KAZALD1: variants seen among roughly 807,000 people sequenced by gnomAD.
The protein encoded by KAZALD1 is kazal-type serine protease inhibitor domain-containing protein 1.
A neutral mutation model predicts 27.7 loss-of-function variants in KAZALD1; 31 were observed. The ratio of observed to expected loss-of-function variants is 1.12; its 90% CI spans 0.84 to 1.51. KAZALD1 has a LOEUF of 1.51. KAZALD1 is among the 40% of genes most tolerant of loss of function. The pLI, the probability that KAZALD1 is intolerant of heterozygous loss-of-function variation, is 0.00. For synonymous variants in KAZALD1, 179 were observed against 182.0 expected (o/e 0.98, Z 0.13); for missense variants, 444 against 408.9 (o/e 1.09, Z -0.74).
chr10:101,062,553 G>A lies in KAZALD1; in HGVS notation c.-40G>A. 1.3e-6 allele frequency: 2 copies of A among 1,562,730 alleles called. No individual in the cohort carries two copies. Among genetic ancestry groups the A allele is most frequent in the South Asian group, 1.2e-5 (1 of 86,632 alleles). On this transcript the variant is annotated 5_prime_UTR_variant, in exon 2 of 5. Coordinates refer to ENST00000370200, the MANE Select transcript of KAZALD1 (RefSeq NM_030929.5). ...TCCCTTCCTGGCAGGGTGCCCGAAC[G>A]CGCTGATGCCCCGAGTGCTCGCAGG...
In KAZALD1 at chr10:101,064,669, TG is replaced by T. The variant is rs952430816; in HGVS notation, c.820+26del. 1.9e-6 allele frequency: 3 copies of T among 1,612,818 alleles called. No homozygotes were observed. In the African/African-American group the frequency reaches 4.0e-5, roughly 22 times the overall value. On this transcript the variant is annotated intron_variant, in intron 4 of 4. Coordinates refer to ENST00000370200, the MANE Select transcript of KAZALD1 (RefSeq NM_030929.5). ...ACCTGGTAAGGGGATTCCTGAGTTC[TG>T]GGGGTTGGGGGGATGGTGCTGGATT...
chr10:101,064,752 C>A lies in KAZALD1; in HGVS notation c.821-74C>A, dbSNP rs1388064678. ...TGTCTGTATACACAAGCATAGCCTT[C>A]CGCAGACTGGGCTATGTGGGCACCG... On this transcript the variant is annotated intron_variant, in intron 4 of 4. Coordinates refer to ENST00000370200, the MANE Select transcript of KAZALD1 (RefSeq NM_030929.5). 12 of 1,597,678 alleles carry A rather than the reference C, an allele frequency of 7.5e-6. 1 individual carries two copies. In the Admixed American group the frequency reaches 1.0e-4, roughly 13 times the overall value.
At position 101,064,644 on chromosome 10, in the gene KAZALD1, A is replaced by G. The variant is rs768041746; in HGVS notation, c.816A>G (p.Thr272=). 5 of 1,613,526 alleles carry G rather than the reference A, an allele frequency of 3.1e-6. No individual in the cohort carries two copies. Among genetic ancestry groups the G allele is most frequent in the Middle Eastern group, 1.8e-4 (1 of 5,582 alleles). The change falls in exon 4 of 5, where the codon ACA becomes ACG. Residue 272 remains threonine, a synonymous_variant. Transcript: ENST00000370200. ...CCCCTGCTAGCTTGACAGTGCTCAC[A>G]CCTGGTAAGGGGATTCCTGAGTTCT... ...VEAPASLTVL[T]PDQLNSTGIP...
Position 101,064,269 on chromosome 10 carries a change from A to T in KAZALD1, c.520A>T (p.Ile174Phe), listed in dbSNP as rs1041002546. ...CCCGCCTTCACCCCCAGGGCCCCAGATCGTGTCACATCCATATGACACTTG... is the reference window on the plus strand; with the variant it reads ...CCCGCCTTCACCCCCAGGGCCCCAGTTCGTGTCACATCCATATGACACTTG... ...HPGPCESGPQIVSHPYDTWNV... is the reference protein window; with the variant it reads ...HPGPCESGPQFVSHPYDTWNV... Residue 174 changes from isoleucine to phenylalanine, a missense_variant, in exon 3 of 5, where the codon ATC (isoleucine) becomes TTC (phenylalanine). Coordinates refer to ENST00000370200, the MANE Select transcript of KAZALD1 (RefSeq NM_030929.5). The T allele has an allele frequency of 6.2e-7, 1 of 1,614,138 alleles. No individual in the cohort carries two copies. The highest frequency in any genetic ancestry group is 8.5e-7 in the Non-Finnish European group (1 of 1,180,008).
At chr10:101,063,828 C>G (rs949664733) in intron 2 of KAZALD1, among the ~76,000 whole-genome samples, 2 of 152,200 alleles carry the variant, frequency 1.3e-5, no homozygotes, top group East Asian at 1.9e-4. Context: ...GAGGAGGGAA[C>G]GGCTGCTTTT....
chr10:101,067,693 T>G, downstream of KAZALD1: 1 of 351,002 alleles, frequency 2.8e-6, no homozygotes. Context: ...GCCGTGCTGG[T>G]ATAACTGAGG....
At position 101,062,526 on chromosome 10, in the gene KAZALD1, C is replaced by A; in HGVS notation, c.-51-16C>A. On this transcript the variant is annotated splice_polypyrimidine_tract_variant and intron_variant, in intron 1 of 4. Coordinates refer to ENST00000370200, the MANE Select transcript of KAZALD1 (RefSeq NM_030929.5). ...CCCTGTTTCTGACCTCCTGACCTGG[C>A]TTCCCTTCCTGGCAGGGTGCCCGAA... 1 of 1,533,826 alleles carries A rather than the reference C, an allele frequency of 6.5e-7. No individual in the cohort carries two copies.
At position 101,064,814 on chromosome 10, in the gene KAZALD1, G is replaced by A. The variant is rs142352042; in HGVS notation, c.821-12G>A. On this transcript the variant is annotated splice_polypyrimidine_tract_variant and intron_variant, in intron 4 of 4. Transcript: ENST00000370200. ...CTCCTGTTCTCTCTTCTTTGCCCATGTGTGTTTGCAGACCAGCTGAACTCT... is the reference window on the plus strand; with the variant it reads ...CTCCTGTTCTCTCTTCTTTGCCCATATGTGTTTGCAGACCAGCTGAACTCT... The A allele has an allele frequency of 1.1e-4, 180 of 1,613,648 alleles. No homozygotes were observed. In the African/African-American group the frequency reaches 2.0e-3, roughly 18 times the overall value.
rs993966997 is a variant in KAZALD1, at chr10:101,065,135, C to T, written c.*215C>T. On this transcript the variant is annotated 3_prime_UTR_variant, in exon 5 of 5. Transcript: ENST00000370200. ...TAGGGAGAGAAGCTGAGACCAGGAC[C>T]GGTGGGGTACAAAGGGGCCCATGCA... 5.4e-6 allele frequency: 3 copies of T among 554,428 alleles called. No homozygotes were observed. The highest frequency in any genetic ancestry group is 2.0e-5 in the South Asian group (1 of 48,782). 34.3% of individuals were successfully genotyped at this position (554,428 alleles called of 1,614,324 possible).
At position 101,062,899 on chromosome 10, in the gene KAZALD1, G is replaced by A. The variant is rs1172554594; in HGVS notation, c.307G>A (p.Gly103Ser). The change falls in exon 2 of 5, where the codon GGC becomes AGC. Residue 103 changes from glycine to serine, a missense_variant. Transcript: ENST00000370200. ...CAGTGCTCACTTCTACGGGCACTGC[G>A]GCGAGCAGCTTGAGTGCCGGCTGGA... is the stretch of plus-strand genomic sequence containing the variant. ...DPSAHFYGHC[G>S]EQLECRLDTG... The A allele has an allele frequency of 3.1e-6, 5 of 1,603,340 alleles. No individual in the cohort carries two copies. Among genetic ancestry groups the A allele is most frequent in the Admixed American group, 1.7e-5 (1 of 59,982 alleles).
rs578079837 is a variant in KAZALD1 at position 101,064,267 on chromosome 10, A to G, written c.518A>G (p.Gln173Arg). The stretch of plus-strand genomic sequence containing the variant: ...CTCCCGCCTTCACCCCCAGGGCCCC[A>G]GATCGTGTCACATCCATATGACACT... ...AHPGPCESGP[Q>R]IVSHPYDTWN... is the part of the protein sequence containing the mutation. Residue 173 changes from glutamine (Q) to arginine (R), a missense_variant, in exon 3 of 5, where the codon CAG (glutamine) becomes CGG (arginine). Coordinates refer to ENST00000370200, the MANE Select transcript of KAZALD1 (RefSeq NM_030929.5). 6 of 1,614,050 alleles carry G rather than the reference A, an allele frequency of 3.7e-6. No individual in the cohort carries two copies. The Admixed American group carries it at 1.0e-4, about 27-fold the overall frequency.
In KAZALD1 at chr10:101,064,943, G is replaced by C; in HGVS notation, c.*23G>C. The C allele has an allele frequency of 6.4e-7, 1 of 1,559,540 alleles. No individual in the cohort carries two copies. The highest frequency in any genetic ancestry group is 8.8e-7 in the Non-Finnish European group (1 of 1,130,594). On this transcript the variant is annotated 3_prime_UTR_variant, in exon 5 of 5. Transcript: ENST00000370200. ...TAGGTCCAGAGCTCTGGCCCATGGGGGTGGGTGAGCGGCTATAGTGTTCAT... is the reference window on the plus strand; with the variant it reads ...TAGGTCCAGAGCTCTGGCCCATGGGCGTGGGTGAGCGGCTATAGTGTTCAT...
At chr10:101,062,205 A>C in intron 1 of KAZALD1, 90 bp downstream of exon 1, 1 of 242,788 alleles carries the variant, frequency 4.1e-6, no homozygotes, top group Admixed American at 5.6e-5. Flanking sequence ...TTCTGGAGCC[A>C]CCCATTCTCT....
At position 101,066,738 on chromosome 10, in the gene KAZALD1, T is replaced by A. The variant is rs1939334524; in HGVS notation, c.*1818T>A. On this transcript the variant is annotated 3_prime_UTR_variant, in exon 5 of 5. Coordinates refer to ENST00000370200, the MANE Select transcript of KAZALD1 (RefSeq NM_030929.5). ...CCGCGTCCACCTGCAGAGCAGAGGC[T>A]CCTCACCAAAAGCCCCACCCCACCG... 2.9e-6 allele frequency: 1 copy of A among 345,750 alleles called. No homozygotes were observed. The highest frequency in any genetic ancestry group is 3.9e-5 in the Admixed American group (1 of 25,700). The allele number at this position is 345,750 out of a possible 1,614,324, so 21.4% of individuals were successfully genotyped here.
rs1193535122 is a variant in KAZALD1, at chr10:101,067,033, G to C, written c.*2113G>C. ...TAATGCGGGCGCAGGGACGGGAAAG[G>C]TTTAATAAACGTGCTGAGATGCCGA... is the stretch of plus-strand genomic sequence containing the variant. On this transcript the variant is annotated 3_prime_UTR_variant, in exon 5 of 5. Transcript: ENST00000370200. 4 of 336,398 alleles carry C rather than the reference G, an allele frequency of 1.2e-5. No homozygotes were observed. The highest frequency in any genetic ancestry group is 2.4e-5 in the Non-Finnish European group (4 of 169,420). 20.8% of individuals were successfully genotyped at this position (336,398 alleles called of 1,614,324 possible). A position where few individuals can be genotyped will look rare whatever the true frequency, so the allele number is the denominator to read the frequency against.
At position 101,064,503 on chromosome 10, in the gene KAZALD1, T is replaced by G. The variant is rs1342048526; in HGVS notation, c.675T>G (p.Phe225Leu). The change falls in exon 4 of 5, where the codon TTT becomes TTG. Residue 225 changes from phenylalanine (F) to leucine (L), a missense_variant and splice_region_variant. Coordinates refer to ENST00000370200, the MANE Select transcript of KAZALD1 (RefSeq NM_030929.5). ...PGDDPHISVQ[F>L]RGGPQRFEVT... The stretch of plus-strand genomic sequence containing the variant: ...GCTGATTCCTTGCCTGGCTCCAGTT[T>G]AGGGGTGGACCCCAGAGGTTTGAGG... The G allele has an allele frequency of 1.9e-6, 3 of 1,614,018 alleles. No individual in the cohort carries two copies. Among genetic ancestry groups the G allele is most frequent in the Non-Finnish European group, 2.5e-6 (3 of 1,180,018 alleles).
rs1939303681 is a variant in KAZALD1 at position 101,065,738 on chromosome 10, A to G, written c.*818A>G. 1 of 152,292 alleles carries G rather than the reference A, an allele frequency of 6.6e-6. No homozygotes were observed. Among genetic ancestry groups the G allele is most frequent in the Admixed American group, 6.5e-5 (1 of 15,288 alleles). 9.4% of individuals were successfully genotyped at this position (152,292 alleles called of 1,614,324 possible). On this transcript the variant is annotated 3_prime_UTR_variant, in exon 5 of 5. Transcript: ENST00000370200. ...AAAGAGAAAGTTTGAACTTGGGCCT[A>G]TCCCGCCTTTGAGGGAGGGAGGCTG...
chr10:101,064,895 G>C lies in KAZALD1; in HGVS notation c.890G>C (p.Ser297Thr), dbSNP rs1554841253. Residue 297 changes from serine (S) to threonine (T), a missense_variant, in exon 5 of 5, where the codon AGT becomes ACT. Ser to Thr is a moderately conservative substitution (Grantham distance 58). Coordinates refer to ENST00000370200, the MANE Select transcript of KAZALD1 (RefSeq NM_030929.5). ...CTGGTTCCTGAGGAGGAGGCTGAGA[G>C]TGAAGAGAATGACGATTACTACTAG... is the stretch of plus-strand genomic sequence containing the variant. ...LNLVPEEEAE[S>T]EENDDYY 1 of 1,614,036 alleles carries C rather than the reference G, an allele frequency of 6.2e-7. No individual in the cohort carries two copies. Among genetic ancestry groups the C allele is most frequent in the Non-Finnish European group, 8.5e-7 (1 of 1,179,892 alleles).
In KAZALD1 at chr10:101,062,930, GC is replaced by G. The variant is rs1481641392; in HGVS notation, c.339del (p.Gly114AlafsTer3). ...CAGCTTGAGTGCCGGCTGGACACAGGCGGCGACCTGAGCCGCGGAGAGGTGC... is the reference window on the plus strand; with the variant it reads ...CAGCTTGAGTGCCGGCTGGACACAGGGGCGACCTGAGCCGCGGAGAGGTGC... ...GEQLECRLDT[G>X]GDLSRGEVPE... On this transcript the variant is annotated frameshift_variant, in exon 2 of 5. Coordinates refer to ENST00000370200, the MANE Select transcript of KAZALD1 (RefSeq NM_030929.5). LOFTEE classifies it high-confidence loss of function. 6.2e-7 allele frequency: 1 copy of G among 1,602,522 alleles called. No homozygotes were observed. The highest frequency in any genetic ancestry group is 8.5e-7 in the Non-Finnish European group (1 of 1,179,570).
Sources: allele counts gnomAD v4.1 joint callset (sites outside exome capture counted in the v4.1 genomes callset), GRCh38; gene constraint gnomAD v4.1.1; transcripts MANE v1.5; gene names NCBI Gene and HGNC (gene_info 2026-07-23, HGNC 2026-07-21).